Variants in PTPRT observed in about 807,000 individuals in gnomAD.
PTPRT encodes protein tyrosine phosphatase receptor type T, also known as receptor-type tyrosine-protein phosphatase T.
A neutral mutation model predicts 176.8 loss-of-function variants in PTPRT; 56 were observed. The ratio of observed to expected loss-of-function variants is 0.32; its 90% CI spans 0.26 to 0.40. The LOEUF (loss-of-function observed/expected upper bound fraction) is 0.40. Ranked by LOEUF, PTPRT falls within the 10% of genes least tolerant of loss-of-function variation. The pLI is 1.00. For synonymous variants in PTPRT, 783 were observed against 739.0 expected (o/e 1.06, Z -0.96); for missense variants, 1,540 against 1,908.2 (o/e 0.81, Z 3.60).
At chr20:42,472,646 C>A (rs1264921320) in intron 7 of PTPRT, 84 bp from the exon 8 acceptor site, 6 of 1,376,898 alleles carry the variant, frequency 4.4e-6, no homozygotes, top group Non-Finnish European at 3.9e-6. Flanking sequence ...ACAGGGAACA[C>A]AGCTTTTCCA....
intron 2 of PTPRT, among the ~76,000 whole-genome samples, chr20:42,832,312 G>C (rs577994949): frequency 6.6e-6 from 1 of 152,256 alleles, no homozygotes; most frequent in East Asian, 1.9e-4. Flanking sequence ...TAAATGATGA[G>C]AACACATGGA....
At chr20:43,030,237 G>T (rs1234216602) in intron 1 of PTPRT, among the ~76,000 whole-genome samples, 1 of 152,174 alleles carries the variant, frequency 6.6e-6, no homozygotes, top group African/African-American at 2.4e-5. Flanking sequence ...CCCAGATGTT[G>T]CACAAATACA....
chr20:43,089,757 T>C (rs2011749556), intron 1 of PTPRT, among the ~76,000 whole-genome samples: 1 of 152,156 alleles, frequency 6.6e-6, no homozygotes, highest in Admixed American at 6.6e-5. Flanking sequence ...GAAGAGTCCA[T>C]GGGCTGGCCT....
chr20:42,610,187 G>T (rs546856946), intron 7 of PTPRT, among the ~76,000 whole-genome samples: 1 of 152,036 alleles, frequency 6.6e-6, no homozygotes, highest in Non-Finnish European at 1.5e-5. Context: ...TAGAAATGGG[G>T]GGAAAAAAAC....
At chr20:43,117,957 A>G (rs1485381893) in intron 1 of PTPRT, among the ~76,000 whole-genome samples, 1 of 152,208 alleles carries the variant, frequency 6.6e-6, no homozygotes, top group Non-Finnish European at 1.5e-5. Context: ...TCAGCCATAC[A>G]CAGCTTGGGT....
At chr20:42,245,893 G>A (rs2056441411) in intron 14 of PTPRT, among the ~76,000 whole-genome samples, 1 of 152,174 alleles carries the variant, frequency 6.6e-6, no homozygotes, top group Admixed American at 6.6e-5. Context: ...GGGAAGGCAG[G>A]GAGAAGACCC....
chr20:43,147,922 A>C (rs976502364), intron 1 of PTPRT, among the ~76,000 whole-genome samples: 5 of 152,180 alleles, frequency 3.3e-5, no homozygotes, highest in Admixed American at 3.3e-4. Context: ...CACACACACC[A>C]TTTGACCCAT....
At chr20:42,403,429 A>G (rs1421827002) in intron 9 of PTPRT, among the ~76,000 whole-genome samples, 1 of 152,206 alleles carries the variant, frequency 6.6e-6, no homozygotes, top group African/African-American at 2.4e-5. Flanking sequence ...ACAGATAAAC[A>G]GATACCTTCC....
At chr20:42,525,003 T>G (rs1485483744) in intron 7 of PTPRT, among the ~76,000 whole-genome samples, 1 of 152,188 alleles carries the variant, frequency 6.6e-6, no homozygotes, top group Non-Finnish European at 1.5e-5. Context: ...CCATTATTCA[T>G]GCATTTTGAG....
chr20:43,106,690 A>T (rs2012625776), intron 1 of PTPRT, among the ~76,000 whole-genome samples: 1 of 131,424 alleles, frequency 7.6e-6, no homozygotes, highest in Non-Finnish European at 1.6e-5. Flanking sequence ...AAAAAAAGGA[A>T]TGAAGGAACA....
chr20:42,373,096 G>C (rs542541219), intron 9 of PTPRT, among the ~76,000 whole-genome samples: 1 of 152,354 alleles, frequency 6.6e-6, no homozygotes, highest in East Asian at 1.9e-4. Context: ...AGTACCTACT[G>C]TGTGCCTAGC....
chr20:42,488,832 T>C (rs1382465290), intron 7 of PTPRT, among the ~76,000 whole-genome samples: 1 of 151,622 alleles, frequency 6.6e-6, no homozygotes, highest in African/African-American at 2.4e-5. Flanking sequence ...GACATGGTGG[T>C]GCATGCCTGT....
chr20:42,875,803 G>A (rs886242718), intron 2 of PTPRT, among the ~76,000 whole-genome samples: 5 of 152,308 alleles, frequency 3.3e-5, no homozygotes, highest in Admixed American at 6.5e-5. Flanking sequence ...CCAAGGGCAC[G>A]TCCTGCCTCC....
intron 3 of PTPRT, among the ~76,000 whole-genome samples, chr20:42,787,730 C>T (rs572536355): frequency 9.2e-5 from 14 of 152,300 alleles, no homozygotes; most frequent in Admixed American, 3.9e-4. Context: ...CTGAAAACAA[C>T]GTTCTTCACC....
intron 7 of PTPRT, among the ~76,000 whole-genome samples, chr20:42,589,306 G>A (rs1229574560): frequency 2.0e-5 from 3 of 152,162 alleles, no homozygotes; most frequent in East Asian, 3.9e-4. Context: ...GAATCAAAGA[G>A]GACAGCTCCT....
chr20:42,640,741 T>C (rs1347837018), intron 7 of PTPRT, among the ~76,000 whole-genome samples: 1 of 152,076 alleles, frequency 6.6e-6, no homozygotes, highest in Non-Finnish European at 1.5e-5. Flanking sequence ...ATGTTTGAAA[T>C]TAGTGGAAGA....
At position 42,885,820 on chromosome 20, in the gene PTPRT, C is replaced by T; in HGVS notation, c.201G>A (p.Gln67=). ...INTWEKPMLD[Q]AVPTGSFMMV... Reference sequence around the variant, plus strand: ...TGGATCACATACCTGTGGGCACTGCCTGGTCCAGCATTGGTTTCTCCCATG... The same window carrying T: ...TGGATCACATACCTGTGGGCACTGCTTGGTCCAGCATTGGTTTCTCCCATG... The change falls in exon 2 of 31, where the codon CAG becomes CAA. Residue 67 remains glutamine, a synonymous_variant. Coordinates refer to ENST00000373187, the MANE Select transcript of PTPRT (RefSeq NM_007050.6). The T allele has an allele frequency of 6.2e-7, 1 of 1,607,820 alleles. No individual in the cohort carries two copies. Among genetic ancestry groups the T allele is most frequent in the Non-Finnish European group, 8.5e-7 (1 of 1,175,980 alleles).
intron 15 of PTPRT, among the ~76,000 whole-genome samples, chr20:42,229,244 G>C (rs917021026): frequency 1.3e-5 from 2 of 152,188 alleles, no homozygotes; most frequent in Non-Finnish European, 2.9e-5. Flanking sequence ...GAGCAGATCT[G>C]GGGGGTGAGG....
intron 7 of PTPRT, among the ~76,000 whole-genome samples, chr20:42,624,803 C>T (rs909246118): frequency 2.0e-5 from 3 of 152,144 alleles, no homozygotes; most frequent in African/African-American, 4.8e-5. Flanking sequence ...TATTTATTCA[C>T]AGCCACATTC....
Sources: gnomAD v4.1 joint callset for allele counts (sites outside exome capture counted in the v4.1 genomes callset) on GRCh38, gnomAD v4.1.1 for gene constraint, MANE v1.5 for transcripts, NCBI Gene and HGNC (gene_info 2026-07-23, HGNC 2026-07-21) for gene names.